LDB3: variants seen among roughly 807,000 people sequenced by gnomAD.
The protein encoded by LDB3 is LIM domain binding 3, also known as LIM domain-binding protein 3.
In LDB3, 49 loss-of-function variants were observed where a neutral mutation model predicts 69.0. That is an observed-to-expected ratio of 0.71 (90% CI 0.56 to 0.90). The LOEUF is 0.90. LDB3 is among the 40% of genes least tolerant of loss of function. The pLI is 0.00. For missense variants in LDB3, 928 were observed against 974.1 expected, an observed-to-expected ratio of 0.95 and a Z score of 0.63; for synonymous variants, 387 against 396.2, an observed-to-expected ratio of 0.98 and a Z score of 0.28.
At position 86,699,526 on chromosome 10, in the gene LDB3, C is replaced by CT; in HGVS notation, c.896+6956dup. Reference sequence around the variant, plus strand: ...TGGCCAACCGCAGCATTTCTGTCCTCTGCCCACCCCAGAGCTGATGCTGGG... The same window carrying CT: ...TGGCCAACCGCAGCATTTCTGTCCTCTTGCCCACCCCAGAGCTGATGCTGGG... On this transcript the variant is annotated intron_variant, in intron 7 of 13. Transcript: ENST00000361373. This position sits in a 1 kb window ranked among gnomAD's most constrained non-coding sequence, Gnocchi z 4.9. 1 of 1,504,558 alleles carries CT rather than the reference C, an allele frequency of 6.6e-7. No individual in the cohort carries two copies. Among genetic ancestry groups the CT allele is most frequent in the Admixed American group, 2.0e-5 (1 of 49,862 alleles). 93.2% of individuals were successfully genotyped at this position (1,504,558 alleles called of 1,614,324 possible). A position where few individuals can be genotyped will look rare whatever the true frequency, so the allele number is the denominator to read the frequency against.
intron 9 of LDB3, 63 bp from the exon 10 acceptor site, chr10:86,716,264 A>G (rs577365129): frequency 6.3e-7 from 1 of 1,579,678 alleles, no homozygotes; most frequent in East Asian, 2.2e-5. Context: ...GCTAGGAGTG[A>G]GGGGAACTGG....
Position 86,686,980 on chromosome 10 carries a change from C to T in LDB3, c.690-4916C>T, listed in dbSNP as rs12570147. ...GATCTCTCTCGACACCCACCGCGCC[C>T]AGCCCTTGCCTTGGCCACCCATGTA... On this transcript the variant is annotated intron_variant, in intron 5 of 13. Coordinates refer to ENST00000361373, the MANE Select transcript of LDB3 (RefSeq NM_007078.3). The T allele has an allele frequency of 4.8e-6, 6 of 1,240,092 alleles. No homozygotes were observed. The East Asian group carries it at 1.4e-4, about 29-fold the overall frequency. The allele number at this position is 1,240,092 out of a possible 1,614,324, so 76.8% of individuals were successfully genotyped here.
intron 12 of LDB3, among the ~76,000 whole-genome samples, chr10:86,723,268 TAAAAA>T (rs56259917): frequency 1.0e-4 from 5 of 49,118 alleles, no homozygotes; most frequent in Admixed American, 3.0e-4. Context: ...AGACTCAATC[TAAAAA>T]AAAAAAAAAA....
chr10:86,688,980 A>G (rs1416481534), intron 5 of LDB3, among the ~76,000 whole-genome samples: 3 of 152,056 alleles, frequency 2.0e-5, no homozygotes, highest in South Asian at 2.1e-4. Flanking sequence ...TATGCCTGGA[A>G]AGGGTCCTCT....
At chr10:86,719,522 C>T (rs573704010) in intron 12 of LDB3, among the ~76,000 whole-genome samples, 1 of 152,310 alleles carries the variant, frequency 6.6e-6, no homozygotes, top group East Asian at 1.9e-4. Flanking sequence ...GTCCTTCATT[C>T]TATTCCTGGT....
intron 4 of LDB3, 144 bp downstream of exon 4, chr10:86,680,301 G>T: frequency 1.3e-6 from 1 of 744,178 alleles, no homozygotes. Flanking sequence ...TGCTGCAGCT[G>T]ACCCTGGGGA....
chr10:86,689,278 A>G (rs1845649445), intron 5 of LDB3, among the ~76,000 whole-genome samples: 1 of 152,026 alleles, frequency 6.6e-6, no homozygotes, highest in Non-Finnish European at 1.5e-5. Flanking sequence ...CGCTGGCGTA[A>G]GTAGACCCTG....
At chr10:86,730,879 G>C (rs970083988) in intron 13 of LDB3, among the ~76,000 whole-genome samples, 7 of 152,142 alleles carry the variant, frequency 4.6e-5, no homozygotes. Context: ...TGGGCTGGGC[G>C]TGGTGGCTCA....
Position 86,683,167 on chromosome 10 carries a change from A to G in LDB3, c.689+1364A>G, listed in dbSNP as rs544412112. 1.1e-4 allele frequency among the ~76,000 whole-genome samples: 17 copies of G among 152,254 alleles called. No homozygotes were observed. In the South Asian group the frequency reaches 3.5e-3, roughly 32 times the overall value. Reference sequence around the variant, plus strand: ...TTTCAGGAACTGGCCTCAGGCAGAGAGGTCAGCCTCTGGTGGCCTGGGACT... The same window carrying G: ...TTTCAGGAACTGGCCTCAGGCAGAGGGGTCAGCCTCTGGTGGCCTGGGACT... On this transcript the variant is annotated intron_variant, in intron 5 of 13. Transcript: ENST00000361373.
At chr10:86,671,470 G>A (rs1195906167) in intron 2 of LDB3, among the ~76,000 whole-genome samples, 1 of 152,206 alleles carries the variant, frequency 6.6e-6, no homozygotes, top group Non-Finnish European at 1.5e-5. Context: ...GACCCACAGA[G>A]AAGGGAGTTC....
chr10:86,687,256 G>A (rs771110385), intron 5 of LDB3: 1 of 1,614,178 alleles, frequency 6.2e-7, no homozygotes, highest in Non-Finnish European at 8.5e-7. Flanking sequence ...CCAAGCCCAA[G>A]GCAGTGACTT....
At chr10:86,723,487 C>T (rs1446268638) in intron 12 of LDB3, among the ~76,000 whole-genome samples, 2 of 151,996 alleles carry the variant, frequency 1.3e-5, no homozygotes, top group Non-Finnish European at 2.9e-5. Flanking sequence ...TTTTCAAGCC[C>T]AGGGCCTGGT....
chr10:86,685,219 G>C (rs1191076960), intron 5 of LDB3, among the ~76,000 whole-genome samples: 1 of 152,204 alleles, frequency 6.6e-6, no homozygotes, highest in African/African-American at 2.4e-5. Flanking sequence ...GAATTCCAGA[G>C]CTGCCCCCAC....
At position 86,709,994 on chromosome 10, in the gene LDB3, C is replaced by T. The variant is rs1564653779; in HGVS notation, c.1175C>T (p.Ala392Val). 1 of 1,613,264 alleles carries T rather than the reference C, an allele frequency of 6.2e-7. No individual in the cohort carries two copies. The highest frequency in any genetic ancestry group is 1.7e-5 in the Admixed American group (1 of 60,024). Residue 392 changes from alanine to valine, a missense_variant, in exon 9 of 14, where the codon GCA becomes GTA. Coordinates refer to ENST00000361373, the MANE Select transcript of LDB3 (RefSeq NM_007078.3). ...TSYSEGPAAP[A>V]PKPRVVTTAS... The stretch of plus-strand genomic sequence containing the variant: ...TACAGTGAGGGCCCCGCCGCCCCTG[C>T]ACCCAAGCCCCGGGTTGTCACCACT...
At chr10:86,678,986 G>A (rs11202122) in intron 2 of LDB3, among the ~76,000 whole-genome samples, 2,182 of 152,232 alleles carry the variant, frequency 0.014, 50 homozygotes, top group African/African-American at 0.05. Context: ...TCTCATTCAT[G>A]CAACGTCCAA....
Position 86,677,382 on chromosome 10 carries a change from G to T in LDB3, c.94-1985G>T, listed in dbSNP as rs188109379. Among the ~76,000 whole-genome samples, 4 of 152,204 alleles carry T rather than the reference G, an allele frequency of 2.6e-5. No individual in the cohort carries two copies. The South Asian group carries it at 8.3e-4, about 31-fold the overall frequency. ...AATGTCACTAGGGGCCAGCCATCAA[G>T]CCTTTTTAGGTGACATTATTAGAAC... On this transcript the variant is annotated intron_variant, in intron 2 of 13. Coordinates refer to ENST00000361373, the MANE Select transcript of LDB3 (RefSeq NM_007078.3).
In LDB3 at chr10:86,726,423, T is replaced by C. The variant is rs1847260699; in HGVS notation, c.2094+171T>C. On this transcript the variant is annotated intron_variant, in intron 13 of 13. Transcript: ENST00000361373. Reference sequence around the variant, plus strand: ...TCGATACATCACAGTCGAACAAAGTTTCATTCCTAATAATTATTTATAAAC... The same window carrying C: ...TCGATACATCACAGTCGAACAAAGTCTCATTCCTAATAATTATTTATAAAC... 2.7e-5 allele frequency: 18 copies of C among 656,638 alleles called. No individual in the cohort carries two copies. The South Asian group carries it at 3.0e-4, about 11-fold the overall frequency. The allele number at this position is 656,638 out of a possible 1,614,324, so 40.7% of individuals were successfully genotyped here.
chr10:86,669,908 G>A (rs1173527764), intron 2 of LDB3, among the ~76,000 whole-genome samples: 1 of 152,252 alleles, frequency 6.6e-6, no homozygotes, highest in East Asian at 1.9e-4. Flanking sequence ...TTGGGCCTGG[G>A]GGCTGGAGGA....
chr10:86,727,624 C>T (rs375883655), intron 13 of LDB3, among the ~76,000 whole-genome samples: 52 of 152,288 alleles, frequency 3.4e-4, no homozygotes, highest in African/African-American at 1.3e-3. Context: ...TTTCACAGTT[C>T]AGGAGGCCAG....
Sources: allele counts gnomAD v4.1 joint callset (sites outside exome capture counted in the v4.1 genomes callset), GRCh38; gene constraint gnomAD v4.1.1; non-coding constraint Gnocchi (gnomAD v3.1); transcripts MANE v1.5; gene names NCBI Gene and HGNC (gene_info 2026-07-23, HGNC 2026-07-21).